Variants in MTERF3 observed in about 807,000 individuals in gnomAD.
The protein encoded by MTERF3 is transcription termination factor 3, mitochondrial.
MTERF3 carries 40 observed loss-of-function variants against 40.5 expected under a neutral mutation model. That is an observed-to-expected ratio of 0.99 (90% CI 0.77 to 1.29). MTERF3 has a LOEUF of 1.29. MTERF3 is among the 50% of genes most tolerant of loss of function. The probability of loss-of-function intolerance (pLI) is 0.00; values close to 1 mark genes in which losing one functional copy is unlikely to be tolerated. For synonymous variants in MTERF3, 158 were observed against 166.6 expected (o/e 0.95, Z 0.40); for missense variants, 452 against 478.2 (o/e 0.95, Z 0.51).
intron 7 of MTERF3, among the ~76,000 whole-genome samples, chr8:96,241,387 C>T (rs563610435): frequency 8.6e-5 from 13 of 150,446 alleles, no homozygotes; most frequent in African/African-American, 2.7e-4. Flanking sequence ...TCCAGCCTGG[C>T]GACAGAGCCA....
intron 5 of MTERF3, 113 bp from the exon 6 acceptor site, chr8:96,246,044 G>T: frequency 9.9e-7 from 1 of 1,012,200 alleles, no homozygotes. Context: ...GACCCAATCA[G>T]AAAAATGATA....
At chr8:96,260,471 T>G (rs1232555833) in intron 1 of MTERF3, among the ~76,000 whole-genome samples, 1 of 151,032 alleles carries the variant, frequency 6.6e-6, no homozygotes, top group African/African-American at 2.4e-5. Context: ...GTGGGGTCAA[T>G]AACTATTCTT....
At chr8:96,255,567 A>G (rs981929986) in intron 3 of MTERF3, among the ~76,000 whole-genome samples, 2 of 148,744 alleles carry the variant, frequency 1.3e-5, no homozygotes, top group African/African-American at 4.9e-5. Context: ...TGAACCTGGG[A>G]GGCAGGTTGC....
intron 1 of MTERF3, among the ~76,000 whole-genome samples, chr8:96,259,501 T>G (rs1810341278): frequency 1.3e-5 from 2 of 152,242 alleles, no homozygotes; most frequent in Non-Finnish European, 2.9e-5. Flanking sequence ...AAAATATTTT[T>G]ATCAGGAAAG....
chr8:96,243,048 T>A (rs1277535478), intron 7 of MTERF3, among the ~76,000 whole-genome samples: 2 of 152,226 alleles, frequency 1.3e-5, no homozygotes, highest in African/African-American at 4.8e-5. Flanking sequence ...AATCCTATAT[T>A]AGAGGCCCGT....
intron 3 of MTERF3, among the ~76,000 whole-genome samples, chr8:96,253,787 C>G (rs1477237671): frequency 6.6e-6 from 1 of 151,002 alleles, no homozygotes; most frequent in Non-Finnish European, 1.5e-5. Flanking sequence ...GGGAGGAAAG[C>G]TTGAGCCCAA....
intron 3 of MTERF3, 38 bp downstream of exon 3, chr8:96,256,924 G>C: frequency 6.4e-7 from 1 of 1,561,598 alleles, no homozygotes; most frequent in Non-Finnish European, 8.7e-7. Context: ...GTAATGAAGA[G>C]TACATGCAAA....
chr8:96,258,539 T>C lies in MTERF3; in HGVS notation c.152A>G (p.Asn51Ser), dbSNP rs114184492. 871 of 1,614,146 alleles carry C rather than the reference T, an allele frequency of 5.4e-4. No individual in the cohort carries two copies. The African/African-American group carries it at 1.0e-2, about 18-fold the overall frequency. The change falls in exon 2 of 8, where the codon AAT becomes AGT. Residue 51 changes from asparagine to serine, a missense_variant. Transcript: ENST00000287025. ...CTTAAATCCCCACTGGAGAAAGCAATTGTCAGAGGATATCTGAGGCTGAGC... is the reference window on the plus strand; with the variant it reads ...CTTAAATCCCCACTGGAGAAAGCAACTGTCAGAGGATATCTGAGGCTGAGC... ...FSAQPQISSD[N>S]CFLQWGFKTY... is the part of the protein sequence containing the mutation.
chr8:96,241,063 TTAGA>T (rs1809918496), intron 7 of MTERF3, among the ~76,000 whole-genome samples: 1 of 152,160 alleles, frequency 6.6e-6, no homozygotes, highest in South Asian at 2.1e-4. Flanking sequence ...GTAAGAGGTT[TTAGA>T]TAGATTTTTT....
intron 4 of MTERF3, among the ~76,000 whole-genome samples, chr8:96,250,351 A>G: frequency 6.9e-6 from 1 of 145,934 alleles, no homozygotes; most frequent in Non-Finnish European, 1.5e-5. Context: ...TTTAAGAAAA[A>G]AACGTATTCC....
In MTERF3 at chr8:96,255,895, CAAGTGGTAA is replaced by C. The variant is rs558410531; in HGVS notation, c.487+1058_487+1066del. 4.8e-3 allele frequency among the ~76,000 whole-genome samples: 729 copies of C among 152,204 alleles called. 2 individuals are homozygous for C. Among genetic ancestry groups the C allele is most frequent in the African/African-American group, 0.014 (585 of 41,526 alleles). ...GAAATGCCTGCAAATGAGAATCTGG[CAAGTGGTAA>C]GTGATCAGTACCACAAAAAACTCAA... On this transcript the variant is annotated intron_variant, in intron 3 of 7. Coordinates refer to ENST00000287025, the MANE Select transcript of MTERF3 (RefSeq NM_015942.5).
In MTERF3 at chr8:96,254,983, T is replaced by C. The variant is rs935383213; in HGVS notation, c.487+1979A>G. Among the ~76,000 whole-genome samples the C allele has an allele frequency of 4.6e-5, 7 of 152,174 alleles. No homozygotes were observed. In the South Asian group the frequency reaches 1.5e-3, roughly 32 times the overall value. On this transcript the variant is annotated intron_variant, in intron 3 of 7. Transcript: ENST00000287025. ...GGACTTCAGTGATGTTCTCCAGTTG[T>C]TGGAGTTGGCTAAACAAAGGAGGGA...
chr8:96,240,529 A>C (rs1171628874), intron 7 of MTERF3, among the ~76,000 whole-genome samples: 1 of 152,212 alleles, frequency 6.6e-6, no homozygotes, highest in Non-Finnish European at 1.5e-5. Flanking sequence ...GCAACTAGGG[A>C]AAGTATGTCT....
chr8:96,244,558 G>A (rs1335736058), intron 6 of MTERF3, among the ~76,000 whole-genome samples: 2 of 151,326 alleles, frequency 1.3e-5, no homozygotes, highest in East Asian at 3.9e-4. Flanking sequence ...CCACCACCAT[G>A]CCTGGCTAAT....
chr8:96,252,898 C>T (rs1238259583), intron 3 of MTERF3, among the ~76,000 whole-genome samples: 1 of 152,192 alleles, frequency 6.6e-6, no homozygotes, highest in Non-Finnish European at 1.5e-5. Flanking sequence ...ATCAGGAATG[C>T]ACACTGCTCT....
At chr8:96,255,509 C>T (rs1296617311) in intron 3 of MTERF3, among the ~76,000 whole-genome samples, 5 of 151,932 alleles carry the variant, frequency 3.3e-5, no homozygotes, top group Non-Finnish European at 7.4e-5. Context: ...CATGGTGGCA[C>T]GTGCTTGTAA....
chr8:96,239,456 A>C lies in MTERF3; in HGVS notation c.*35T>G. On this transcript the variant is annotated 3_prime_UTR_variant, in exon 8 of 8. Coordinates refer to ENST00000287025, the MANE Select transcript of MTERF3 (RefSeq NM_015942.5). ...TATTCATTTATTCATATATATATTCACTTTACAATACTGCATTTTAACATA... is the reference window on the plus strand; with the variant it reads ...TATTCATTTATTCATATATATATTCCCTTTACAATACTGCATTTTAACATA... 3 of 1,427,062 alleles carry C rather than the reference A, an allele frequency of 2.1e-6. No homozygotes were observed. The highest frequency in any genetic ancestry group is 2.8e-6 in the Non-Finnish European group (3 of 1,053,300). The allele number at this position is 1,427,062 out of a possible 1,614,324, so 88.4% of individuals were successfully genotyped here.
intron 6 of MTERF3, among the ~76,000 whole-genome samples, chr8:96,245,028 A>G (rs992053442): frequency 6.6e-6 from 1 of 152,116 alleles, no homozygotes; most frequent in Non-Finnish European, 1.5e-5. Flanking sequence ...CAACATTCCA[A>G]GCAGAGATGA....
chr8:96,249,049 G>A (rs1315652935), intron 4 of MTERF3, among the ~76,000 whole-genome samples: 1 of 152,172 alleles, frequency 6.6e-6, no homozygotes, highest in Admixed American at 6.5e-5. Context: ...CTATGCTACC[G>A]ACGTGAGAAT....
Sources: allele counts gnomAD v4.1 joint callset (sites outside exome capture counted in the v4.1 genomes callset), GRCh38; gene constraint gnomAD v4.1.1; transcripts MANE v1.5; gene names NCBI Gene and HGNC (gene_info 2026-07-23, HGNC 2026-07-21).